Variants in MAP3K4 observed in about 807,000 individuals in gnomAD.
MAP3K4 encodes mitogen-activated protein kinase kinase kinase 4, also known as MAP three kinase 1.
A neutral mutation model predicts 185.6 loss-of-function variants in MAP3K4; 67 were observed. The ratio of observed to expected loss-of-function variants is 0.36; its 90% CI spans 0.30 to 0.44. MAP3K4 has a LOEUF of 0.44. MAP3K4 is among the 20% of genes least tolerant of loss of function. The pLI is 1.00. For synonymous variants in MAP3K4, 702 were observed against 710.4 expected (o/e 0.99, Z 0.19); for missense variants, 1,551 against 1,995.1 (o/e 0.78, Z 4.24).
chr6:161,107,067 CACACACACACACGCAGAA>C lies in MAP3K4; in HGVS notation c.4048+363_4048+380del, dbSNP rs978874354. On this transcript the variant is annotated intron_variant, in intron 20 of 26. Coordinates refer to ENST00000392142, the MANE Select transcript of MAP3K4 (RefSeq NM_005922.4). The surrounding 1 kb of genome is among the most constrained non-coding windows in gnomAD (Gnocchi z 6.2). ...ACGCGCGCGCACACACACACACACA[CACACACACACACGCAGAA>C]CGTGATTTGAAGAGAGACTGGATAC... is the stretch of plus-strand genomic sequence containing the variant. Among the ~76,000 whole-genome samples, 4 of 151,926 alleles carry C rather than the reference CACACACACACACGCAGAA, an allele frequency of 2.6e-5. No homozygotes were observed. Among genetic ancestry groups the C allele is most frequent in the African/African-American group, 9.7e-5 (4 of 41,272 alleles).
intron 1 of MAP3K4, among the ~76,000 whole-genome samples, chr6:160,993,392 C>T (rs564820102): frequency 1.3e-5 from 2 of 152,230 alleles, no homozygotes; most frequent in Admixed American, 1.3e-4. Context: ...GAACACTTAA[C>T]GGTTAAAATA....
chr6:161,001,175 CAT>C (rs1183604183), intron 1 of MAP3K4, among the ~76,000 whole-genome samples: 2 of 147,494 alleles, frequency 1.4e-5, no homozygotes, highest in Admixed American at 6.8e-5. Context: ...TATGTGTACA[CAT>C]ATATAAGAAA....
chr6:161,106,778 G>C lies in MAP3K4; in HGVS notation c.4048+73G>C. The C allele has an allele frequency of 2.4e-6, 3 of 1,263,794 alleles. No individual in the cohort carries two copies. The highest frequency in any genetic ancestry group is 3.3e-6 in the Non-Finnish European group (3 of 916,594). The allele number at this position is 1,263,794 out of a possible 1,614,324, so 78.3% of individuals were successfully genotyped here. On this transcript the variant is annotated intron_variant, in intron 20 of 26. Coordinates refer to ENST00000392142, the MANE Select transcript of MAP3K4 (RefSeq NM_005922.4). This position sits in a 1 kb window ranked among gnomAD's most constrained non-coding sequence, Gnocchi z 4.9. ...AGCAATAGTTATACTTCTTTAGGTT[G>C]AATCCTATAGAGTTGGCCCTTTTTT...
intron 2 of MAP3K4, among the ~76,000 whole-genome samples, chr6:161,044,465 T>G (rs1214947471): frequency 2.6e-5 from 4 of 151,954 alleles, no homozygotes; most frequent in Non-Finnish European, 5.9e-5. Flanking sequence ...CATGTCAGAG[T>G]GGGTAAAGAC....
chr6:161,022,424 A>G lies in MAP3K4; in HGVS notation c.153-11835A>G, dbSNP rs7756711. Reference sequence around the variant, plus strand: ...CCTTTATTTATAGCTGAGGAAATTTAGGATGGTTAAAAAGCTTCACCAAAG... The same window carrying G: ...CCTTTATTTATAGCTGAGGAAATTTGGGATGGTTAAAAAGCTTCACCAAAG... On this transcript the variant is annotated intron_variant, in intron 1 of 26. Transcript: ENST00000392142. The surrounding 1 kb of genome is among the most constrained non-coding windows in gnomAD (Gnocchi z 4.2). Among the ~76,000 whole-genome samples, 94,491 of 152,100 alleles carry G rather than the reference A, an allele frequency of 0.62. 30,381 individuals are homozygous for G. The highest frequency in any genetic ancestry group is 0.73 in the Admixed American group (11,139 of 15,292).
At chr6:161,083,696 G>A (rs886318074) in intron 6 of MAP3K4, among the ~76,000 whole-genome samples, 2 of 151,970 alleles carry the variant, frequency 1.3e-5, no homozygotes, top group Admixed American at 6.6e-5. Context: ...CTTTCCTTCC[G>A]CCTTTTCCAT....
chr6:160,992,100 C>T lies in MAP3K4; in HGVS notation c.152+17C>T. ...GGCGGCGAGGTGAGTGTGGCGGCCG[C>T]AGTCGGTCGCTCGCAGAAAGCGGGG... On this transcript the variant is annotated intron_variant, in intron 1 of 26. Coordinates refer to ENST00000392142, the MANE Select transcript of MAP3K4 (RefSeq NM_005922.4). 1.3e-6 allele frequency: 2 copies of T among 1,537,518 alleles called. No homozygotes were observed. The highest frequency in any genetic ancestry group is 5.1e-5 in the East Asian group (2 of 39,028).
chr6:161,019,397 A>G (rs1279509681), intron 1 of MAP3K4, among the ~76,000 whole-genome samples: 3 of 152,006 alleles, frequency 2.0e-5, no homozygotes, highest in African/African-American at 7.3e-5. Flanking sequence ...AGTTTCTTCC[A>G]TGTTTGCTTA....
In MAP3K4 at chr6:161,115,452, G is replaced by T; in HGVS notation, c.4806+150G>T. 1.3e-6 allele frequency: 1 copy of T among 794,568 alleles called. No homozygotes were observed. The highest frequency in any genetic ancestry group is 1.9e-6 in the Non-Finnish European group (1 of 520,790). 49.2% of individuals were successfully genotyped at this position (794,568 alleles called of 1,614,324 possible). A position where few individuals can be genotyped will look rare whatever the true frequency, so the allele number is the denominator to read the frequency against. ...ATTATTATGCCAGGGATTTTTGTAT[G>T]TGTTTTTTCATTTGGAAAATGTTCA... On this transcript the variant is annotated intron_variant, in intron 26 of 26. Coordinates refer to ENST00000392142, the MANE Select transcript of MAP3K4 (RefSeq NM_005922.4). This position sits in a 1 kb window ranked among gnomAD's most constrained non-coding sequence, Gnocchi z 6.0.
Position 161,076,262 on chromosome 6 carries a change from G to A in MAP3K4, c.2097+2650G>A, listed in dbSNP as rs182341213. 3.4e-4 allele frequency among the ~76,000 whole-genome samples: 52 copies of A among 152,312 alleles called. No individual in the cohort carries two copies. In the East Asian group the frequency reaches 0.01, roughly 29 times the overall value. On this transcript the variant is annotated intron_variant, in intron 5 of 26. Coordinates refer to ENST00000392142, the MANE Select transcript of MAP3K4 (RefSeq NM_005922.4). This position sits in a 1 kb window ranked among gnomAD's most constrained non-coding sequence, Gnocchi z 4.2. ...CCGAAGCTGAGCCTGTCTCTCCAGG[G>A]ATTCTGTTGTTGACTGAAGAGCTGC...
chr6:161,050,509 C>G (rs143860568), intron 3 of MAP3K4, among the ~76,000 whole-genome samples: 1 of 152,156 alleles, frequency 6.6e-6, no homozygotes, highest in Admixed American at 6.5e-5. Flanking sequence ...CACTATCTCG[C>G]AAGGTTAAAG....
chr6:161,097,821 C>CT lies in MAP3K4; in HGVS notation c.3525-456dup, dbSNP rs2114884007. On this transcript the variant is annotated intron_variant, in intron 16 of 26. Transcript: ENST00000392142. The surrounding 1 kb of genome is among the most constrained non-coding windows in gnomAD (Gnocchi z 4.9). ...CTTTGAGGGGACCGGGGTGCGGTGA[C>CT]TCACGCCTGTAATTCCAGCACTTTA... 6.6e-6 allele frequency among the ~76,000 whole-genome samples: 1 copy of CT among 151,896 alleles called. No homozygotes were observed. The highest frequency in any genetic ancestry group is 2.1e-4 in the South Asian group (1 of 4,816).
intron 11 of MAP3K4, among the ~76,000 whole-genome samples, chr6:161,089,717 C>T (rs1785931520): frequency 6.6e-6 from 1 of 152,186 alleles, no homozygotes; most frequent in South Asian, 2.1e-4. Context: ...TTCATAATGG[C>T]TACATGACTG....
Position 161,017,615 on chromosome 6 carries a change from A to G in MAP3K4, c.153-16644A>G, listed in dbSNP as rs917906647. 6.6e-6 allele frequency among the ~76,000 whole-genome samples: 1 copy of G among 152,234 alleles called. No individual in the cohort carries two copies. The highest frequency in any genetic ancestry group is 1.5e-5 in the Non-Finnish European group (1 of 68,026). On this transcript the variant is annotated intron_variant, in intron 1 of 26. Transcript: ENST00000392142. The surrounding 1 kb of genome is among the most constrained non-coding windows in gnomAD (Gnocchi z 5.1). ...AGGCCCAAAGAGGTTAAATTTTCAC[A>G]AAATAAATGGGTTGAATTTGACTAT...
At chr6:160,994,727 G>A (rs705826) in intron 1 of MAP3K4, among the ~76,000 whole-genome samples, 111,625 of 152,008 alleles carry the variant, frequency 0.73, 42,113 homozygotes, top group Non-Finnish European at 0.82. Context: ...TTGAGACAGA[G>A]TCTTTCTCTG....
rs1778288440 is a variant in MAP3K4 at position 161,110,261 on chromosome 6, T to C, written c.4396+347T>C. Among the ~76,000 whole-genome samples the C allele has an allele frequency of 6.6e-6, 1 of 152,244 alleles. No homozygotes were observed. The highest frequency in any genetic ancestry group is 2.1e-4 in the South Asian group (1 of 4,834). ...CTCTCGTGTCAGGATTCTTGTCTAT[T>C]TATATATGAAAATCATGAATATGTA... On this transcript the variant is annotated intron_variant, in intron 23 of 26. Coordinates refer to ENST00000392142, the MANE Select transcript of MAP3K4 (RefSeq NM_005922.4). The surrounding 1 kb of genome is among the most constrained non-coding windows in gnomAD (Gnocchi z 4.8).
chr6:161,030,768 G>C (rs1240166963), intron 1 of MAP3K4, among the ~76,000 whole-genome samples: 1 of 152,158 alleles, frequency 6.6e-6, no homozygotes, highest in African/African-American at 2.4e-5. Flanking sequence ...TTAGGTGCTA[G>C]ACTCTTTTTA....
At chr6:160,999,236 C>G (rs1284372862) in intron 1 of MAP3K4, among the ~76,000 whole-genome samples, 1 of 152,152 alleles carries the variant, frequency 6.6e-6, no homozygotes, top group African/African-American at 2.4e-5. Context: ...CTGAATAGGG[C>G]TTGTTAGAGG....
chr6:161,046,595 C>CT (rs1259603130), intron 2 of MAP3K4, among the ~76,000 whole-genome samples: 2 of 151,384 alleles, frequency 1.3e-5, no homozygotes, highest in Non-Finnish European at 3.0e-5. Flanking sequence ...GGTTTAAAAC[C>CT]TTTTTTGATG....
Sources: gnomAD v4.1 joint callset for allele counts (sites outside exome capture counted in the v4.1 genomes callset) on GRCh38, gnomAD v4.1.1 for gene constraint, Gnocchi (gnomAD v3.1) non-coding constraint, MANE v1.5 for transcripts, NCBI Gene and HGNC (gene_info 2026-07-23, HGNC 2026-07-21) for gene names.